The following RARB variants were observed in gnomAD, a reference collection of about 807,000 sequenced individuals.
RARB encodes the protein retinoic acid receptor beta.
A neutral mutation model predicts 51.9 loss-of-function variants in RARB; 17 were observed. That is an observed-to-expected ratio of 0.33 (90% CI 0.22 to 0.49). The LOEUF is 0.49. Ranked by LOEUF, RARB falls within the 20% of genes least tolerant of loss-of-function variation. RARB has a pLI of 0.99. For missense variants in RARB, 369 were observed against 550.8 expected (o/e 0.67, Z 3.30); for synonymous variants, 215 against 195.4 (o/e 1.10, Z -0.84).
intron 5 of RARB, among the ~76,000 whole-genome samples, chr3:25,318,674 G>A (rs571394723): frequency 6.6e-6 from 1 of 152,126 alleles, no homozygotes; most frequent in Admixed American, 6.5e-5. Context: ...ATCTTTAGGA[G>A]CAAATGTAGA....
chr3:25,434,819 C>T (rs1333648574), intron 1 of RARB, among the ~76,000 whole-genome samples: 1 of 151,970 alleles, frequency 6.6e-6, no homozygotes, highest in Non-Finnish European at 1.5e-5. Flanking sequence ...AGATTACAGG[C>T]GTGAGCCACC....
intron 4 of RARB, among the ~76,000 whole-genome samples, chr3:25,136,449 C>A (rs945390517): frequency 1.3e-5 from 2 of 151,750 alleles, no homozygotes; most frequent in Non-Finnish European, 2.9e-5. Flanking sequence ...TGGTTCTTAC[C>A]CTAATTAAGA....
At chr3:25,314,897 G>A (rs139444366) in intron 5 of RARB, among the ~76,000 whole-genome samples, 6 of 152,128 alleles carry the variant, frequency 3.9e-5, no homozygotes, top group South Asian at 2.1e-4. Flanking sequence ...TCTTTATGTC[G>A]CTGAGTACTC....
At chr3:25,277,770 G>A (rs1467599045) in intron 5 of RARB, among the ~76,000 whole-genome samples, 1 of 152,052 alleles carries the variant, frequency 6.6e-6, no homozygotes, top group Non-Finnish European at 1.5e-5. Context: ...AATTTGTATT[G>A]AAGTATAGCA....
chr3:25,479,643 T>C (rs1288274647), intron 2 of RARB, among the ~76,000 whole-genome samples: 1 of 152,230 alleles, frequency 6.6e-6, no homozygotes, highest in Non-Finnish European at 1.5e-5. Flanking sequence ...ACTTTGTTAG[T>C]CAGAGTTGAA....
chr3:25,205,810 A>G (rs754684660), intron 5 of RARB, among the ~76,000 whole-genome samples: 50 of 151,716 alleles, frequency 3.3e-4, no homozygotes, highest in Non-Finnish European at 6.0e-4. Context: ...TGGTGCAATT[A>G]TGGCTCACTG....
At chr3:25,125,109 G>T (rs534544579) in intron 3 of RARB, among the ~76,000 whole-genome samples, 1 of 152,050 alleles carries the variant, frequency 6.6e-6, no homozygotes, top group African/African-American at 2.4e-5. Context: ...AAAGTGGGAG[G>T]CCTCAAAAAA....
intron 2 of RARB, among the ~76,000 whole-genome samples, chr3:25,042,259 C>G (rs1040942988): frequency 3.3e-5 from 5 of 152,232 alleles, no homozygotes; most frequent in Non-Finnish European, 7.3e-5. Context: ...CCAAACTCTA[C>G]TTGTTCATCA....
chr3:25,259,042 G>T, intron 5 of RARB: 1 of 985,224 alleles, frequency 1.0e-6, no homozygotes, highest in Non-Finnish European at 1.2e-6. Context: ...TAGTAGGCAG[G>T]AACCAGGAAT....
At position 25,596,735 on chromosome 3, in the gene RARB, A is replaced by C. The variant is rs1701851502; in HGVS notation, c.*119A>C. 1 of 883,624 alleles carries C rather than the reference A, an allele frequency of 1.1e-6. No homozygotes were observed. The highest frequency in any genetic ancestry group is 1.7e-5 in the African/African-American group (1 of 58,970). 54.7% of individuals were successfully genotyped at this position (883,624 alleles called of 1,614,324 possible). On this transcript the variant is annotated 3_prime_UTR_variant, in exon 8 of 8. Transcript: ENST00000330688. ...GACTGAAAAGATATTAAAACTCAAG[A>C]AGGACCAAGAAGTTTTCATATGTAT...
intron 2 of RARB, among the ~76,000 whole-genome samples, chr3:24,920,760 C>A (rs1473273908): frequency 3.9e-5 from 6 of 152,202 alleles, no homozygotes; most frequent in Non-Finnish European, 7.3e-5. Context: ...CTCCAAACAG[C>A]CAACTTTGTC....
At chr3:24,999,662 C>T (rs1575112465) in intron 2 of RARB, among the ~76,000 whole-genome samples, 1 of 152,232 alleles carries the variant, frequency 6.6e-6, no homozygotes, top group East Asian at 1.9e-4. Context: ...ATTACCCAGC[C>T]CTTTTGGTTG....
chr3:25,411,754 G>A (rs983940210), intron 5 of RARB, among the ~76,000 whole-genome samples: 2 of 152,192 alleles, frequency 1.3e-5, no homozygotes, highest in Non-Finnish European at 2.9e-5. Context: ...TGGTAAGTTG[G>A]TATAAACAAG....
chr3:25,375,651 T>C (rs970828991), intron 5 of RARB, among the ~76,000 whole-genome samples: 1 of 152,168 alleles, frequency 6.6e-6, no homozygotes, highest in African/African-American at 2.4e-5. Context: ...GGGTCTACGT[T>C]TCCATAGCTA....
chr3:24,865,456 AT>A (rs1175728178), intron 2 of RARB, among the ~76,000 whole-genome samples: 5 of 152,238 alleles, frequency 3.3e-5, no homozygotes, highest in Middle Eastern at 3.4e-3. Context: ...AACTTCTGTT[AT>A]CCCCATTTTC....
At chr3:25,324,551 G>C (rs568839127) in intron 5 of RARB, 200 of 162,630 alleles carry the variant, frequency 1.2e-3, no homozygotes, top group Non-Finnish European at 2.4e-3. Flanking sequence ...AGCTGACGGG[G>C]ATCAAGCATG....
intron 2 of RARB, among the ~76,000 whole-genome samples, chr3:24,945,839 GAAC>G (rs1212884865): frequency 2.0e-5 from 3 of 152,302 alleles, no homozygotes; most frequent in South Asian, 4.1e-4. Context: ...TAAGGATGGT[GAAC>G]AACAAGGCCA....
intron 5 of RARB, among the ~76,000 whole-genome samples, chr3:25,189,731 C>G (rs1238586671): frequency 6.6e-6 from 1 of 151,976 alleles, no homozygotes; most frequent in Non-Finnish European, 1.5e-5. Flanking sequence ...TATAAAAACA[C>G]AAAAATTAGC....
At chr3:25,246,212 A>C (rs1702556534) in intron 5 of RARB, among the ~76,000 whole-genome samples, 1 of 152,046 alleles carries the variant, frequency 6.6e-6, no homozygotes, top group African/African-American at 2.4e-5. Flanking sequence ...TCCAGTTAGC[A>C]GTACTTCTAA....
Sources: gnomAD v4.1 joint callset for allele counts (sites outside exome capture counted in the v4.1 genomes callset) on GRCh38, gnomAD v4.1.1 for gene constraint, MANE v1.5 for transcripts, NCBI Gene and HGNC (gene_info 2026-07-23, HGNC 2026-07-21) for gene names.